TRAPPC13: variants seen among roughly 807,000 people sequenced by gnomAD.
TRAPPC13 encodes trafficking protein particle complex subunit 13.
TRAPPC13 carries 39 observed loss-of-function variants against 54.0 expected under a neutral mutation model. The ratio of observed to expected loss-of-function variants is 0.72; its 90% CI spans 0.56 to 0.94. The LOEUF is 0.94. TRAPPC13 is among the 40% of genes least tolerant of loss of function. The pLI is 0.00. For missense variants in TRAPPC13, 386 were observed against 488.1 expected, an observed-to-expected ratio of 0.79 and a Z score of 1.97; for synonymous variants, 148 against 167.7, an observed-to-expected ratio of 0.88 and a Z score of 0.91.
At chr5:65,655,731 T>TA in intron 8 of TRAPPC13, 78 bp downstream of exon 8, 1 of 503,062 alleles carries the variant, frequency 2.0e-6, no homozygotes, top group Non-Finnish European at 3.1e-6. Context: ...AATCTCTCTT[T>TA]ACAAAACATA....
chr5:65,630,375 A>G (rs1017199698), intron 1 of TRAPPC13: 13 of 1,449,674 alleles, frequency 9.0e-6, no homozygotes, highest in Non-Finnish European at 1.2e-5. Context: ...AATATTCTGA[A>G]TGAAATGAAT....
chr5:65,644,126 T>G (rs1756091105), intron 4 of TRAPPC13, among the ~76,000 whole-genome samples: 1 of 152,258 alleles, frequency 6.6e-6, no homozygotes, highest in African/African-American at 2.4e-5. Context: ...GCCAGTCTAA[T>G]TCTCTTGCCT....
intron 7 of TRAPPC13, 57 bp downstream of exon 7, chr5:65,652,602 A>G (rs1756507410): frequency 8.0e-7 from 1 of 1,249,464 alleles, no homozygotes; most frequent in African/African-American, 1.5e-5. Flanking sequence ...GTATTTGACT[A>G]AAAATCTCTT....
intron 4 of TRAPPC13, among the ~76,000 whole-genome samples, chr5:65,644,361 T>C (rs1298778712): frequency 6.6e-6 from 1 of 152,180 alleles, no homozygotes; most frequent in Non-Finnish European, 1.5e-5. Context: ...AAACTCTTAG[T>C]GTCCTCTGAA....
chr5:65,644,954 T>A (rs1756126098), intron 4 of TRAPPC13, among the ~76,000 whole-genome samples: 1 of 151,636 alleles, frequency 6.6e-6, no homozygotes. Context: ...CTCAGCACTT[T>A]GGGAGGCCAA....
intron 4 of TRAPPC13, among the ~76,000 whole-genome samples, chr5:65,642,200 G>A (rs369073313): frequency 1.1e-4 from 16 of 152,210 alleles, no homozygotes; most frequent in African/African-American, 3.4e-4. Flanking sequence ...GCGAGTGCCT[G>A]TAATCCCAGC....
chr5:65,629,773 A>C (rs1018439541), intron 1 of TRAPPC13: 6 of 1,536,120 alleles, frequency 3.9e-6, no homozygotes, highest in Non-Finnish European at 5.2e-6. Flanking sequence ...TGATTTCTGA[A>C]GAGGCAGCTG....
intron 7 of TRAPPC13, among the ~76,000 whole-genome samples, chr5:65,653,894 T>G (rs1420031756): frequency 6.6e-6 from 1 of 152,196 alleles, no homozygotes; most frequent in African/African-American, 2.4e-5. Flanking sequence ...CACTGTTGAT[T>G]AATTACAGTA....
chr5:65,657,629 TA>T (rs1327625517), intron 8 of TRAPPC13, among the ~76,000 whole-genome samples: 1 of 152,220 alleles, frequency 6.6e-6, no homozygotes, highest in Non-Finnish European at 1.5e-5. Flanking sequence ...TTAATTTATC[TA>T]AATTTATCTA....
At chr5:65,654,805 T>A (rs948087934) in intron 7 of TRAPPC13, among the ~76,000 whole-genome samples, 1 of 152,180 alleles carries the variant, frequency 6.6e-6, no homozygotes, top group Admixed American at 6.5e-5. Flanking sequence ...GGCAGATTGG[T>A]GAGACTAGAA....
intron 4 of TRAPPC13, among the ~76,000 whole-genome samples, chr5:65,640,022 C>T (rs1361775833): frequency 6.6e-6 from 1 of 151,968 alleles, no homozygotes; most frequent in Non-Finnish European, 1.5e-5. Context: ...GCAAATAGAC[C>T]CAACTTCCAG....
Position 65,662,150 on chromosome 5 carries a change from G to C in TRAPPC13, c.998G>C (p.Ser333Thr). Residue 333 changes from serine to threonine, a missense_variant and splice_region_variant, in exon 11 of 13, where the codon AGT becomes ACT. Transcript: ENST00000399438. ...FHITCKITNC[S>T]ERTMDLVLEM... is the part of the protein sequence containing the mutation. ...ATTACCTGTAAAATAACAAACTGCA[G>C]GTAATGCCACTGTTTGTAGATGGAT... 1.3e-6 allele frequency: 2 copies of C among 1,596,966 alleles called. No homozygotes were observed. Among genetic ancestry groups the C allele is most frequent in the Non-Finnish European group, 1.7e-6 (2 of 1,171,160 alleles).
In TRAPPC13 at chr5:65,641,790, C is replaced by T. The variant is rs138651350; in HGVS notation, c.300+4010C>T. 1.5e-3 allele frequency among the ~76,000 whole-genome samples: 232 copies of T among 150,108 alleles called. 2 individuals are homozygous for T. The highest frequency in any genetic ancestry group is 5.2e-3 in the African/African-American group (215 of 41,066). ...TCATTTAGATTACCTATTCTTTGAA[C>T]GATTTGTAGAATTCCCTGCAAAATC... On this transcript the variant is annotated intron_variant, in intron 4 of 12. Coordinates refer to ENST00000399438, the MANE Select transcript of TRAPPC13 (RefSeq NM_024941.4).
chr5:65,636,601 T>C (rs1432810741), intron 3 of TRAPPC13, among the ~76,000 whole-genome samples: 1 of 152,242 alleles, frequency 6.6e-6, no homozygotes, highest in Admixed American at 6.5e-5. Context: ...TACTATATTT[T>C]GTAATGGCCA....
chr5:65,652,418 C>CA (rs1234781315), intron 6 of TRAPPC13, 83 bp from the exon 7 acceptor site: 18 of 845,878 alleles, frequency 2.1e-5, no homozygotes, highest in Non-Finnish European at 3.0e-5. Context: ...AAATGACTGA[C>CA]AAACTTACAC....
chr5:65,639,982 G>A (rs1412524807), intron 4 of TRAPPC13, among the ~76,000 whole-genome samples: 1 of 152,138 alleles, frequency 6.6e-6, no homozygotes, highest in Non-Finnish European at 1.5e-5. Flanking sequence ...AATGATCATA[G>A]AGTTTTAAAG....
In TRAPPC13 at chr5:65,630,195, C is replaced by G; in HGVS notation, c.46+5089C>G. ...AATGAACTTCCATCTTGTAATGCTACAATTCAGAGGCATTTAGGCCAAATA... is the reference window on the plus strand; with the variant it reads ...AATGAACTTCCATCTTGTAATGCTAGAATTCAGAGGCATTTAGGCCAAATA... On this transcript the variant is annotated intron_variant, in intron 1 of 12. Transcript: ENST00000399438. The G allele has an allele frequency of 2.0e-6, 3 of 1,535,926 alleles. No individual in the cohort carries two copies. In the South Asian group the frequency reaches 3.6e-5, roughly 18 times the overall value.
intron 6 of TRAPPC13, among the ~76,000 whole-genome samples, chr5:65,651,842 GT>G (rs762929434): frequency 1.1e-3 from 47 of 41,166 alleles, no homozygotes; most frequent in Middle Eastern, 0.023. Flanking sequence ...ACGTGATTCA[GT>G]TTTTTTTTTT....
At chr5:65,630,848 G>A (rs112335140) in intron 1 of TRAPPC13, 2,186 of 212,542 alleles carry the variant, frequency 0.01, 57 homozygotes, top group African/African-American at 0.048. Context: ...TGCCTAAAAC[G>A]ATAATGTATC....
Sources: gnomAD v4.1 joint callset for allele counts (sites outside exome capture counted in the v4.1 genomes callset) on GRCh38, gnomAD v4.1.1 for gene constraint, MANE v1.5 for transcripts, NCBI Gene and HGNC (gene_info 2026-07-23, HGNC 2026-07-21) for gene names.